TAFA5: variants seen among roughly 807,000 people sequenced by gnomAD.
TAFA5 encodes TAFA chemokine like family member 5, also known as chemokine-like protein TAFA-5.
TAFA5 carries 6 observed loss-of-function variants against 15.3 expected under a neutral mutation model. The ratio of observed to expected loss-of-function variants is 0.39; its 90% CI spans 0.21 to 0.77. The LOEUF is 0.77. TAFA5 is among the 30% of genes least tolerant of loss of function. The pLI is 0.41. For missense variants in TAFA5, 161 were observed against 193.1 expected, an observed-to-expected ratio of 0.83 and a Z score of 0.98; for synonymous variants, 103 against 80.7, an observed-to-expected ratio of 1.28 and a Z score of -1.48.
At chr22:48,655,821 A>G (rs1927216998) in intron 2 of TAFA5, among the ~76,000 whole-genome samples, 1 of 144,592 alleles carries the variant, frequency 6.9e-6, no homozygotes, top group East Asian at 2.1e-4. Context: ...CTGAAGCCAA[A>G]CACTGATTCT....
At chr22:48,569,188 C>A (rs1462458293) in intron 1 of TAFA5, among the ~76,000 whole-genome samples, 2 of 152,290 alleles carry the variant, frequency 1.3e-5, no homozygotes, top group African/African-American at 4.8e-5. Flanking sequence ...CAGGTGGCCG[C>A]AGTTACTCAG....
rs939426829 is a variant in TAFA5, at chr22:48,560,095, T to C, written c.112+70391T>C. On this transcript the variant is annotated intron_variant, in intron 1 of 3. Transcript: ENST00000402357. This position sits in a 1 kb window ranked among gnomAD's most constrained non-coding sequence, Gnocchi z 4.2. ...CCTGGCCACCGATGCCTTCGCAGCA[T>C]AGGATTTGGGGACCTCCACGTGCCG... Among the ~76,000 whole-genome samples, 4 of 152,128 alleles carry C rather than the reference T, an allele frequency of 2.6e-5. No homozygotes were observed. Among genetic ancestry groups the C allele is most frequent in the South Asian group, 2.1e-4 (1 of 4,826 alleles).
chr22:48,683,184 C>T (rs1253457517), intron 2 of TAFA5, among the ~76,000 whole-genome samples: 1 of 152,158 alleles, frequency 6.6e-6, no homozygotes, highest in Non-Finnish European at 1.5e-5. Context: ...AACGCACACA[C>T]ACAGACACAC....
chr22:48,636,293 C>T (rs1054442686), intron 1 of TAFA5, among the ~76,000 whole-genome samples: 7 of 152,220 alleles, frequency 4.6e-5, no homozygotes, highest in African/African-American at 7.2e-5. Context: ...GTGGGGGAAC[C>T]GGGCTTCCAT....
At chr22:48,683,315 C>A (rs74343795) in intron 2 of TAFA5, among the ~76,000 whole-genome samples, 1 of 152,232 alleles carries the variant, frequency 6.6e-6, no homozygotes, top group Non-Finnish European at 1.5e-5. Context: ...AATAGCTTAA[C>A]GCCATAAGCT....
At chr22:48,667,008 C>A (rs946739602) in intron 2 of TAFA5, among the ~76,000 whole-genome samples, 4 of 152,132 alleles carry the variant, frequency 2.6e-5, no homozygotes, top group Non-Finnish European at 5.9e-5. Context: ...GTCACCCAGT[C>A]CTGTCTGGGG....
chr22:48,504,502 C>T (rs985814209), intron 1 of TAFA5, among the ~76,000 whole-genome samples: 3 of 151,852 alleles, frequency 2.0e-5, no homozygotes, highest in African/African-American at 7.3e-5. Context: ...GGCAGTTGGG[C>T]TGGTGAGGCC....
At chr22:48,509,132 T>A (rs1383605633) in intron 1 of TAFA5, among the ~76,000 whole-genome samples, 3 of 152,268 alleles carry the variant, frequency 2.0e-5, no homozygotes, top group Non-Finnish European at 4.4e-5. Context: ...CAGCTGCGAA[T>A]GACAGGATCT....
chr22:48,682,461 G>C (rs1928222924), intron 2 of TAFA5, among the ~76,000 whole-genome samples: 1 of 152,328 alleles, frequency 6.6e-6, no homozygotes, highest in East Asian at 1.9e-4. Context: ...GTGAGCTTCT[G>C]TCCCCTGGTG....
chr22:48,543,213 C>G (rs999934156), intron 1 of TAFA5: 2 of 152,120 alleles, frequency 1.3e-5, no homozygotes, highest in African/African-American at 4.8e-5. Context: ...GGATCTCTGA[C>G]GCTTTGGCCC....
intron 2 of TAFA5, among the ~76,000 whole-genome samples, chr22:48,658,145 G>A (rs927575248): frequency 6.6e-6 from 1 of 152,064 alleles, no homozygotes; most frequent in Non-Finnish European, 1.5e-5. Context: ...TTCAGGGAAG[G>A]GTGCATGGGG....
chr22:48,537,781 G>A (rs995233928), intron 1 of TAFA5, among the ~76,000 whole-genome samples: 1 of 152,232 alleles, frequency 6.6e-6, no homozygotes, highest in Non-Finnish European at 1.5e-5. Context: ...GGTGTCCCCA[G>A]ACTAAGCCAG....
At chr22:48,702,415 C>T (rs1045884529) in intron 2 of TAFA5, among the ~76,000 whole-genome samples, 5 of 152,072 alleles carry the variant, frequency 3.3e-5, no homozygotes, top group Admixed American at 6.5e-5. Context: ...CACTCTGAGA[C>T]GCACTCCTAT....
At chr22:48,533,391 G>A (rs961551707) in intron 1 of TAFA5, among the ~76,000 whole-genome samples, 3 of 152,202 alleles carry the variant, frequency 2.0e-5, no homozygotes, top group Admixed American at 1.3e-4. Flanking sequence ...GAGGTGGCAG[G>A]GGTGGCACAG....
At chr22:48,590,508 A>G (rs1924528493) in intron 1 of TAFA5, among the ~76,000 whole-genome samples, 1 of 152,298 alleles carries the variant, frequency 6.6e-6, no homozygotes, top group African/African-American at 2.4e-5. Flanking sequence ...GCGGATTCAC[A>G]GGTGGCCCAA....
intron 3 of TAFA5, among the ~76,000 whole-genome samples, chr22:48,744,960 TAGTC>T (rs1401474952): frequency 3.3e-5 from 5 of 152,176 alleles, no homozygotes; most frequent in Non-Finnish European, 4.4e-5. Flanking sequence ...TTCACCGTGT[TAGTC>T]AGGATGGTCT....
intron 1 of TAFA5, among the ~76,000 whole-genome samples, chr22:48,593,953 G>A (rs953770673): frequency 2.6e-5 from 4 of 152,210 alleles, no homozygotes; most frequent in African/African-American, 4.8e-5. Context: ...TCTCATTTTC[G>A]TTATTTTTCC....
At position 48,530,500 on chromosome 22, in the gene TAFA5, GC is replaced by G. The variant is rs1921935887; in HGVS notation, c.112+40797del. On this transcript the variant is annotated intron_variant, in intron 1 of 3. Coordinates refer to ENST00000402357, the MANE Select transcript of TAFA5 (RefSeq NM_001082967.3). This position sits in a 1 kb window ranked among gnomAD's most constrained non-coding sequence, Gnocchi z 6.0. Reference sequence around the variant, plus strand: ...ACCTTGGGATGGTTCAGGGGAACCTGCTGCAGGTTTACAGAGAGAGAAGCTG... The same window carrying G: ...ACCTTGGGATGGTTCAGGGGAACCTGTGCAGGTTTACAGAGAGAGAAGCTG... Among the ~76,000 whole-genome samples, 1 of 152,196 alleles carries G rather than the reference GC, an allele frequency of 6.6e-6. No homozygotes were observed. Among genetic ancestry groups the G allele is most frequent in the African/African-American group, 2.4e-5 (1 of 41,456 alleles).
At chr22:48,612,432 G>T (rs984015188) in intron 1 of TAFA5, among the ~76,000 whole-genome samples, 1 of 152,122 alleles carries the variant, frequency 6.6e-6, no homozygotes, top group Non-Finnish European at 1.5e-5. Context: ...CATTTTGAGC[G>T]TGTGTCAAGG....
Sources: gnomAD v4.1 joint callset for allele counts (sites outside exome capture counted in the v4.1 genomes callset) on GRCh38, gnomAD v4.1.1 for gene constraint, Gnocchi (gnomAD v3.1) non-coding constraint, MANE v1.5 for transcripts, NCBI Gene and HGNC (gene_info 2026-07-23, HGNC 2026-07-21) for gene names.